The following STXBP5L variants were observed in gnomAD, a reference collection of about 807,000 sequenced individuals.
STXBP5L encodes syntaxin binding protein 5L, also known as syntaxin-binding protein 5-like.
STXBP5L carries 65 observed loss-of-function variants against 144.5 expected under a neutral mutation model. That is an observed-to-expected ratio of 0.45 (90% CI 0.37 to 0.55). STXBP5L has a LOEUF of 0.55. Among genes scored for constraint, STXBP5L ranks in the 20% least tolerant of loss-of-function variants. The probability of loss-of-function intolerance (pLI) is 0.00; values close to 1 mark genes in which losing one functional copy is unlikely to be tolerated. For synonymous variants in STXBP5L, 505 were observed against 469.6 expected, an observed-to-expected ratio of 1.08 and a Z score of -0.97; for missense variants, 1,298 against 1,405.5, an observed-to-expected ratio of 0.92 and a Z score of 1.22.
chr3:121,094,029 G>T (rs12494809), intron 5 of STXBP5L, among the ~76,000 whole-genome samples: 1 of 151,820 alleles, frequency 6.6e-6, no homozygotes, highest in African/African-American at 2.4e-5. Context: ...TTTGTTATGT[G>T]CCCAGTAGTC....
At chr3:121,227,067 A>G (rs1003071286) in intron 11 of STXBP5L, among the ~76,000 whole-genome samples, 1 of 152,176 alleles carries the variant, frequency 6.6e-6, no homozygotes, top group Non-Finnish European at 1.5e-5. Context: ...TTTAACTTAT[A>G]TAAATAAAAA....
At chr3:120,997,128 T>C (rs527627011) in intron 3 of STXBP5L, among the ~76,000 whole-genome samples, 1 of 151,976 alleles carries the variant, frequency 6.6e-6, no homozygotes, top group Non-Finnish European at 1.5e-5. Flanking sequence ...GAAATGATTT[T>C]TTTTATGGCT....
chr3:120,922,934 T>G (rs1709427723), intron 2 of STXBP5L, among the ~76,000 whole-genome samples: 1 of 152,018 alleles, frequency 6.6e-6, no homozygotes, highest in African/African-American at 2.4e-5. Context: ...GAATTGCTAT[T>G]TGTTCTTTAA....
chr3:120,927,063 G>T (rs551934341), intron 2 of STXBP5L, among the ~76,000 whole-genome samples: 1 of 151,746 alleles, frequency 6.6e-6, no homozygotes, highest in Non-Finnish European at 1.5e-5. Context: ...AGCCTCCCGA[G>T]TATCTAGGAC....
intron 5 of STXBP5L, among the ~76,000 whole-genome samples, chr3:121,094,957 G>C (rs1244192543): frequency 1.3e-5 from 2 of 151,964 alleles, no homozygotes. Context: ...AGCTCTTTTA[G>C]GGCAGGCCTG....
intron 3 of STXBP5L, among the ~76,000 whole-genome samples, chr3:120,985,609 G>T (rs1212440778): frequency 6.6e-6 from 1 of 151,636 alleles, no homozygotes; most frequent in Middle Eastern, 3.4e-3. Flanking sequence ...TATTGTTGTA[G>T]GTCTATTCAG....
chr3:121,290,450 ATT>A lies in STXBP5L; in HGVS notation c.2110+10495_2110+10496del, dbSNP rs1282740390. The stretch of plus-strand genomic sequence containing the variant: ...ACAAAAAAAGTCCAGGACCAGATGG[ATT>A]CACAGCTGAATTCTATCAGACATTC... On this transcript the variant is annotated intron_variant, in intron 19 of 26. Transcript: ENST00000471454. Among the ~76,000 whole-genome samples the A allele has an allele frequency of 2.6e-5, 4 of 152,154 alleles. No homozygotes were observed. The East Asian group carries it at 7.7e-4, about 29-fold the overall frequency.
chr3:121,291,188 T>C (rs1240292121), intron 19 of STXBP5L, among the ~76,000 whole-genome samples: 2 of 152,072 alleles, frequency 1.3e-5, no homozygotes, highest in Non-Finnish European at 2.9e-5. Context: ...ATCTGAAAAG[T>C]GAATTTAGTA....
At chr3:121,071,864 T>A (rs763620147) in intron 5 of STXBP5L, among the ~76,000 whole-genome samples, 1 of 152,166 alleles carries the variant, frequency 6.6e-6, no homozygotes, top group African/African-American at 2.4e-5. Context: ...CCAAACACTA[T>A]CTCATAGGGT....
At chr3:121,211,471 A>G (rs903259891) in intron 10 of STXBP5L, among the ~76,000 whole-genome samples, 3 of 152,000 alleles carry the variant, frequency 2.0e-5, no homozygotes, top group Non-Finnish European at 4.4e-5. Context: ...TATGTTGAAT[A>G]GGAGTGGTGA....
At chr3:121,272,166 A>T (rs1308496793) in intron 18 of STXBP5L, among the ~76,000 whole-genome samples, 1 of 152,160 alleles carries the variant, frequency 6.6e-6, no homozygotes, top group Non-Finnish European at 1.5e-5. Flanking sequence ...GTTCAGGTCC[A>T]ATTTTCTTTA....
chr3:121,348,514 A>G lies in STXBP5L; in HGVS notation c.2176+29974A>G, dbSNP rs370082409. 7.2e-5 allele frequency among the ~76,000 whole-genome samples: 11 copies of G among 152,232 alleles called. 1 individual carries two copies. The East Asian group carries it at 9.6e-4, about 13-fold the overall frequency. ...ATCCCCTCTTTTTCTATTTATTGGA[A>G]TAGTTTCAGAAGGAATGGTAACAGC... On this transcript the variant is annotated intron_variant, in intron 20 of 26. Coordinates refer to ENST00000471454, the MANE Select transcript of STXBP5L (RefSeq NM_001308330.2).
intron 11 of STXBP5L, among the ~76,000 whole-genome samples, chr3:121,231,162 G>A (rs1210637753): frequency 5.9e-5 from 9 of 152,084 alleles, no homozygotes; most frequent in East Asian, 1.9e-4. Flanking sequence ...AAGAGTGTAC[G>A]GCCATTTTGG....
intron 3 of STXBP5L, among the ~76,000 whole-genome samples, chr3:120,977,652 C>T (rs1212686836): frequency 2.0e-5 from 3 of 152,146 alleles, no homozygotes; most frequent in Non-Finnish European, 2.9e-5. Flanking sequence ...ATGGTCTTTA[C>T]AATTTGGCAT....
rs751700537 is a variant in STXBP5L, at chr3:120,909,746, G to C, written c.168G>C (p.Ser56=). 2 of 1,612,020 alleles carry C rather than the reference G, an allele frequency of 1.2e-6. No individual in the cohort carries two copies. The highest frequency in any genetic ancestry group is 1.7e-6 in the Non-Finnish European group (2 of 1,179,418). Residue 56 remains serine (S), a synonymous_variant, in exon 2 of 27, where the codon TCG becomes TCC. Transcript: ENST00000471454. ...LREEIQETLT[S]EYFQICKTVR... The stretch of plus-strand genomic sequence containing the variant: ...AGGAAATTCAGGAAACTTTGACTTC[G>C]GAGTATTTCCAGATTTGCAAGGTAA...
At chr3:121,001,080 G>A (rs1356104405) in intron 3 of STXBP5L, among the ~76,000 whole-genome samples, 2 of 152,200 alleles carry the variant, frequency 1.3e-5, no homozygotes, top group African/African-American at 4.8e-5. Context: ...CTTTGTCAAG[G>A]TGATGGCAAC....
chr3:121,098,509 T>C (rs753897603), intron 5 of STXBP5L, among the ~76,000 whole-genome samples: 2 of 152,178 alleles, frequency 1.3e-5, no homozygotes, highest in Non-Finnish European at 2.9e-5. Flanking sequence ...AGATTAGTCA[T>C]CAAGGCAGAG....
chr3:121,419,115 A>G lies in STXBP5L; in HGVS notation c.*18A>G, dbSNP rs772463819. 6.2e-7 allele frequency: 1 copy of G among 1,608,808 alleles called. No homozygotes were observed. The highest frequency in any genetic ancestry group is 8.5e-7 in the Non-Finnish European group (1 of 1,178,052). ...AATTCTGACTTCTAAAGAAGCTGTGACTGCTTTGAGAAACCATATTCAGGG... is the reference window on the plus strand; with the variant it reads ...AATTCTGACTTCTAAAGAAGCTGTGGCTGCTTTGAGAAACCATATTCAGGG... On this transcript the variant is annotated 3_prime_UTR_variant, in exon 27 of 27. Transcript: ENST00000471454.
rs114581228 is a variant in STXBP5L at position 121,418,863 on chromosome 3, T to A, written c.3448-193T>A. On this transcript the variant is annotated intron_variant, in intron 26 of 26. Coordinates refer to ENST00000471454, the MANE Select transcript of STXBP5L (RefSeq NM_001308330.2). ...CTCAGTCATGAAAAATCATTTTCTATCAGCTGAGTCTTTACAGCTTGTTTA... is the reference window on the plus strand; with the variant it reads ...CTCAGTCATGAAAAATCATTTTCTAACAGCTGAGTCTTTACAGCTTGTTTA... Among the ~76,000 whole-genome samples, 630 of 152,298 alleles carry A rather than the reference T, an allele frequency of 4.1e-3. 3 individuals are homozygous for A. Among genetic ancestry groups the A allele is most frequent in the African/African-American group, 0.014 (594 of 41,566 alleles).
Sources: gnomAD v4.1 joint callset for allele counts (sites outside exome capture counted in the v4.1 genomes callset) on GRCh38, gnomAD v4.1.1 for gene constraint, MANE v1.5 for transcripts, NCBI Gene and HGNC (gene_info 2026-07-23, HGNC 2026-07-21) for gene names.